Variants in HS3ST5 observed in about 807,000 individuals in gnomAD.
HS3ST5 encodes the protein heparan sulfate-glucosamine 3-sulfotransferase 5.
HS3ST5 carries 10 observed loss-of-function variants against 25.4 expected under a neutral mutation model. The ratio of observed to expected loss-of-function variants is 0.39; its 90% CI spans 0.24 to 0.67. The LOEUF (loss-of-function observed/expected upper bound fraction) is 0.67. Ranked by LOEUF, HS3ST5 falls within the 30% of genes least tolerant of loss-of-function variation. The pLI is 0.44. For synonymous variants in HS3ST5, 170 were observed against 162.4 expected, an observed-to-expected ratio of 1.05 and a Z score of -0.36; for missense variants, 324 against 420.7, an observed-to-expected ratio of 0.77 and a Z score of 2.01.
chr6:114,280,648 T>C (rs1226062427), intron 1 of HS3ST5, among the ~76,000 whole-genome samples: 1 of 152,030 alleles, frequency 6.6e-6, no homozygotes, highest in African/African-American at 2.4e-5. Flanking sequence ...GTACAATTAT[T>C]TTCCCCATTC....
chr6:114,122,942 T>TTTTGTTTG (rs551616098), intron 3 of HS3ST5, among the ~76,000 whole-genome samples: 1 of 152,082 alleles, frequency 6.6e-6, no homozygotes, highest in Non-Finnish European at 1.5e-5. Context: ...TACAGATAGT[T>TTTTGTTTG]TTTGTTTGTT....
At chr6:114,206,016 C>T (rs2114401434) in intron 2 of HS3ST5, among the ~76,000 whole-genome samples, 1 of 152,226 alleles carries the variant, frequency 6.6e-6, no homozygotes, top group Admixed American at 6.5e-5. Flanking sequence ...CTAATTCCTG[C>T]ATTTATTTCT....
At chr6:114,108,110 G>A (rs960449963) in intron 3 of HS3ST5, among the ~76,000 whole-genome samples, 6 of 152,012 alleles carry the variant, frequency 3.9e-5, no homozygotes, top group Admixed American at 2.0e-4. Flanking sequence ...ATACAGTCTG[G>A]GTCCAGTCAA....
At chr6:114,153,065 C>T (rs1421779614) in intron 3 of HS3ST5, among the ~76,000 whole-genome samples, 1 of 152,170 alleles carries the variant, frequency 6.6e-6, no homozygotes. Flanking sequence ...TGAGACTTTA[C>T]CTATCAGCTT....
At chr6:114,231,761 A>T (rs1251306982) in intron 1 of HS3ST5, among the ~76,000 whole-genome samples, 7 of 10,222 alleles carry the variant, frequency 6.8e-4, no homozygotes, top group Non-Finnish European at 1.1e-3. Flanking sequence ...TATTCTATTT[A>T]AAAAAAAAAA....
At chr6:114,224,695 T>TACACAC (rs538572462) in intron 2 of HS3ST5, among the ~76,000 whole-genome samples, 4 of 105,374 alleles carry the variant, frequency 3.8e-5, no homozygotes, top group Admixed American at 2.1e-4. Context: ...TACATATATA[T>TACACAC]ATATACACAC....
chr6:114,327,141 A>T (rs1776205507), intron 1 of HS3ST5, among the ~76,000 whole-genome samples: 1 of 152,204 alleles, frequency 6.6e-6, no homozygotes, highest in South Asian at 2.1e-4. Context: ...GCAAACAATG[A>T]TGACACATTC....
intron 1 of HS3ST5, among the ~76,000 whole-genome samples, chr6:114,233,383 C>G (rs1771700192): frequency 6.9e-6 from 1 of 144,272 alleles, no homozygotes; most frequent in African/African-American, 2.9e-5. Flanking sequence ...AGTTGATTCT[C>G]TCTCTCTCAC....
intron 3 of HS3ST5, among the ~76,000 whole-genome samples, chr6:114,088,245 G>T (rs759628727): frequency 4.1e-4 from 62 of 152,172 alleles, no homozygotes; most frequent in Non-Finnish European, 7.5e-4. Flanking sequence ...TGAATTTTGT[G>T]CTGTAATTCA....
rs533813987 is a variant in HS3ST5, at chr6:114,200,887, A to G, written c.-145+27698T>C. On this transcript the variant is annotated intron_variant, in intron 2 of 4. Coordinates refer to ENST00000312719, the MANE Select transcript of HS3ST5 (RefSeq NM_153612.4). ...AGAACGCACAAAAAATGATTCATCA[A>G]TTCTCTCAAGGATGCTCCATAACCA... Among the ~76,000 whole-genome samples, 18 of 152,316 alleles carry G rather than the reference A, an allele frequency of 1.2e-4. No individual in the cohort carries two copies. In the East Asian group the frequency reaches 2.9e-3, roughly 24 times the overall value.
chr6:114,091,029 A>T (rs943199653), intron 3 of HS3ST5, among the ~76,000 whole-genome samples: 4 of 152,202 alleles, frequency 2.6e-5, no homozygotes, highest in African/African-American at 9.7e-5. Flanking sequence ...GGGGAGAAAA[A>T]AACTATTTCT....
intron 1 of HS3ST5, among the ~76,000 whole-genome samples, chr6:114,237,812 T>A (rs1771928745): frequency 6.6e-6 from 1 of 152,206 alleles, no homozygotes; most frequent in Non-Finnish European, 1.5e-5. Flanking sequence ...TCTATATTTT[T>A]AATGAAAACC....
chr6:114,219,596 T>C (rs1781936327), intron 2 of HS3ST5, among the ~76,000 whole-genome samples: 1 of 152,188 alleles, frequency 6.6e-6, no homozygotes, highest in African/African-American at 2.4e-5. Context: ...TTTCACAGTT[T>C]TTCTTTCATT....
intron 3 of HS3ST5, among the ~76,000 whole-genome samples, chr6:114,148,727 C>G (rs1778295459): frequency 6.6e-6 from 1 of 152,134 alleles, no homozygotes; most frequent in African/African-American, 2.4e-5. Context: ...AAACAAAAGC[C>G]ATAATTGACA....
At chr6:114,332,634 C>T (rs9689797) in intron 1 of HS3ST5, among the ~76,000 whole-genome samples, 141 of 151,858 alleles carry the variant, frequency 9.3e-4, no homozygotes, top group African/African-American at 3.3e-3. Context: ...TTGGGGGTGG[C>T]GAGAGAGTGT....
At chr6:114,131,220 C>G (rs1450224200) in intron 3 of HS3ST5, 1 of 151,456 alleles carries the variant, frequency 6.6e-6, no homozygotes, top group East Asian at 1.9e-4. Flanking sequence ...CAGGAGCAAT[C>G]TAATGCAAAT....
intron 1 of HS3ST5, among the ~76,000 whole-genome samples, chr6:114,237,680 G>C (rs763179834): frequency 6.6e-6 from 1 of 152,192 alleles, no homozygotes; most frequent in Non-Finnish European, 1.5e-5. Context: ...GTGCCTAAGA[G>C]TGTATGATTC....
chr6:114,125,305 C>T (rs942095882), intron 3 of HS3ST5, among the ~76,000 whole-genome samples: 1 of 151,892 alleles, frequency 6.6e-6, no homozygotes, highest in Non-Finnish European at 1.5e-5. Flanking sequence ...AATTTCCTTA[C>T]CAAGGCTTAA....
At chr6:114,196,981 C>A (rs1171694867) in intron 2 of HS3ST5, among the ~76,000 whole-genome samples, 3 of 152,046 alleles carry the variant, frequency 2.0e-5, no homozygotes, top group Non-Finnish European at 4.4e-5. Context: ...TAGCTGTTGC[C>A]TTGAAAAGAC....
Sources: allele counts gnomAD v4.1 joint callset (sites outside exome capture counted in the v4.1 genomes callset), GRCh38; gene constraint gnomAD v4.1.1; transcripts MANE v1.5; gene names NCBI Gene and HGNC (gene_info 2026-07-23, HGNC 2026-07-21).